The following SAMD12 variants were observed in gnomAD, a reference collection of about 807,000 sequenced individuals.
SAMD12 encodes sterile alpha motif domain containing 12.
Under a neutral mutation model 15.0 loss-of-function variants are expected in SAMD12, and 9 were observed. The observed-to-expected ratio is 0.60, with a 90% CI of 0.36 to 1.05. SAMD12 has a LOEUF of 1.05. SAMD12 is among the 50% of genes least tolerant of loss of function. SAMD12 has a pLI of 0.01. For missense variants in SAMD12, 230 were observed against 234.2 expected, an observed-to-expected ratio of 0.98 and a Z score of 0.12; for synonymous variants, 86 against 90.1, an observed-to-expected ratio of 0.96 and a Z score of 0.25.
At chr8:118,158,336 G>C in the SAMD12 span, among the ~76,000 whole-genome samples, 1 of 152,254 alleles carries the variant, frequency 6.6e-6, no homozygotes, top group Non-Finnish European at 1.5e-5. Flanking sequence ...CTGATGGCAG[G>C]AGTGGCCTGT....
intron 3 of SAMD12, among the ~76,000 whole-genome samples, chr8:118,407,387 G>A (rs1821186282): frequency 6.6e-6 from 1 of 152,082 alleles, no homozygotes; most frequent in Non-Finnish European, 1.5e-5. Context: ...TATCATCAAG[G>A]TTTTGATTAT....
At chr8:118,456,657 A>G (rs1287103751) in intron 2 of SAMD12, among the ~76,000 whole-genome samples, 2 of 152,228 alleles carry the variant, frequency 1.3e-5, no homozygotes, top group African/African-American at 4.8e-5. Context: ...AAAGCCCAGG[A>G]GTGGCCTTGT....
chr8:118,326,715 C>T (rs1372744632), intron 4 of SAMD12, among the ~76,000 whole-genome samples: 5 of 151,960 alleles, frequency 3.3e-5, no homozygotes, highest in Non-Finnish European at 5.9e-5. Flanking sequence ...TTTCCTGGTT[C>T]GTCAGATACT....
chr8:118,321,205 AATTCTTTCC>A (rs1329943825), intron 4 of SAMD12, among the ~76,000 whole-genome samples: 5 of 133,620 alleles, frequency 3.7e-5, no homozygotes, highest in Non-Finnish European at 7.8e-5. Flanking sequence ...AGCCCTCCTG[AATTCTTTCC>A]ATGGTTCCTT....
the SAMD12 span, among the ~76,000 whole-genome samples, chr8:118,142,390 A>G: frequency 3.3e-5 from 5 of 152,204 alleles, no homozygotes; most frequent in South Asian, 4.1e-4. Flanking sequence ...CTATCACCTA[A>G]TGTCTCTCAA....
chr8:118,402,482 A>G (rs1820916074), intron 3 of SAMD12, among the ~76,000 whole-genome samples: 1 of 152,250 alleles, frequency 6.6e-6, no homozygotes, highest in South Asian at 2.1e-4. Flanking sequence ...AAACAGTGAC[A>G]AAATGTCCAA....
chr8:118,507,861 C>T (rs111737161), intron 2 of SAMD12, among the ~76,000 whole-genome samples: 3,603 of 152,148 alleles, frequency 0.024, 117 homozygotes, highest in African/African-American at 0.077. Context: ...GGTTTTAGTA[C>T]ACACAGGGCT....
At chr8:118,418,637 T>C (rs1022627187) in intron 3 of SAMD12, among the ~76,000 whole-genome samples, 24 of 151,714 alleles carry the variant, frequency 1.6e-4, no homozygotes, top group African/African-American at 2.2e-4. Context: ...GAGAATGGCA[T>C]GAACCCGGGA....
chr8:118,285,312 C>T (rs1208028205), intron 4 of SAMD12, among the ~76,000 whole-genome samples: 1 of 152,056 alleles, frequency 6.6e-6, no homozygotes, highest in Non-Finnish European at 1.5e-5. Context: ...ATCCAATAGT[C>T]CCTATGTTAT....
intron 4 of SAMD12, among the ~76,000 whole-genome samples, chr8:118,216,794 GAA>G (rs1811971606): frequency 6.6e-6 from 1 of 151,922 alleles, no homozygotes; most frequent in South Asian, 2.1e-4. Context: ...CAGCAATCTG[GAA>G]AACTCTTAAG....
At position 118,379,184 on chromosome 8, in the gene SAMD12, G is replaced by A; in HGVS notation, c.*233C>T. 4 of 1,253,432 alleles carry A rather than the reference G, an allele frequency of 3.2e-6. No homozygotes were observed. The highest frequency in any genetic ancestry group is 3.0e-6 in the Non-Finnish European group (3 of 995,952). 77.6% of individuals were successfully genotyped at this position (1,253,432 alleles called of 1,614,324 possible). A position where few individuals can be genotyped will look rare whatever the true frequency, so the allele number is the denominator to read the frequency against. Reference sequence around the variant, plus strand: ...CTCACAATTGGCGCAGGTGAAGATAGCTACAGCTGGACTGTACAGTTGTGC... The same window carrying A: ...CTCACAATTGGCGCAGGTGAAGATAACTACAGCTGGACTGTACAGTTGTGC... On this transcript the variant is annotated 3_prime_UTR_variant, in exon 4 of 4. Coordinates refer to ENST00000314727, the MANE Select transcript of SAMD12 (RefSeq NM_207506.3).
chr8:118,334,203 G>A (rs1024489927), intron 4 of SAMD12, among the ~76,000 whole-genome samples: 5 of 152,056 alleles, frequency 3.3e-5, no homozygotes, highest in Non-Finnish European at 5.9e-5. Flanking sequence ...TTAACAACCC[G>A]TTATTGAGCA....
intron 3 of SAMD12, among the ~76,000 whole-genome samples, chr8:118,408,157 C>T (rs555629752): frequency 1.3e-5 from 2 of 152,246 alleles, no homozygotes; most frequent in South Asian, 4.1e-4. Context: ...TAACTCCATA[C>T]CAGACTCCCT....
At chr8:118,210,427 T>C (rs1265814329) in intron 4 of SAMD12, among the ~76,000 whole-genome samples, 2 of 152,126 alleles carry the variant, frequency 1.3e-5, no homozygotes, top group African/African-American at 2.4e-5. Flanking sequence ...AGACCTGGAA[T>C]CTGTTATTGT....
At chr8:118,270,704 C>T (rs1326896581) in intron 4 of SAMD12, among the ~76,000 whole-genome samples, 1 of 152,082 alleles carries the variant, frequency 6.6e-6, no homozygotes, top group African/African-American at 2.4e-5. Context: ...TTGGATATTA[C>T]AGGGGAAATT....
chr8:118,439,765 A>T, intron 3 of SAMD12, 67 bp downstream of exon 3: 1 of 1,485,460 alleles, frequency 6.7e-7, no homozygotes, highest in Non-Finnish European at 9.4e-7. Context: ...TGGTAAGGGT[A>T]TGGGAAAGGC....
the SAMD12 span, among the ~76,000 whole-genome samples, chr8:118,162,580 C>G: frequency 2.0e-5 from 3 of 152,042 alleles, no homozygotes; most frequent in African/African-American, 7.2e-5. Flanking sequence ...AGATGTCCAA[C>G]AGACAGATGA....
At chr8:118,401,767 G>A (rs2130788379) in intron 3 of SAMD12, among the ~76,000 whole-genome samples, 1 of 152,234 alleles carries the variant, frequency 6.6e-6, no homozygotes, top group South Asian at 2.1e-4. Flanking sequence ...TAAGTCATGG[G>A]ATGCATTGCT....
At chr8:118,478,732 T>C (rs1824037952) in intron 2 of SAMD12, among the ~76,000 whole-genome samples, 1 of 152,198 alleles carries the variant, frequency 6.6e-6, no homozygotes, top group East Asian at 1.9e-4. Context: ...CTCTTCCTAA[T>C]GACTAGCTGC....
Sources: gnomAD v4.1 joint callset for allele counts (sites outside exome capture counted in the v4.1 genomes callset) on GRCh38, gnomAD v4.1.1 for gene constraint, MANE v1.5 for transcripts, NCBI Gene and HGNC (gene_info 2026-07-23, HGNC 2026-07-21) for gene names.